Variants in GALNT13 observed in about 807,000 individuals in gnomAD.
GALNT13 encodes polypeptide N-acetylgalactosaminyltransferase 13, also known as UDP-GalNAc:polypeptide N-acetylgalactosaminyltransferase 13.
GALNT13 carries 28 observed loss-of-function variants against 64.2 expected under a neutral mutation model. That is an observed-to-expected ratio of 0.44 (90% CI 0.32 to 0.60). The LOEUF (loss-of-function observed/expected upper bound fraction) is 0.60, where lower values mean the gene tolerates loss of function less well. Among genes scored for constraint, GALNT13 ranks in the 20% least tolerant of loss-of-function variants. GALNT13 has a pLI of 0.05. For synonymous variants in GALNT13, 214 were observed against 224.6 expected, an observed-to-expected ratio of 0.95 and a Z score of 0.42; for missense variants, 577 against 669.8, an observed-to-expected ratio of 0.86 and a Z score of 1.53.
the GALNT13 span, among the ~76,000 whole-genome samples, chr2:153,601,760 A>C: frequency 6.6e-6 from 1 of 151,862 alleles, no homozygotes; most frequent in Non-Finnish European, 1.5e-5. Context: ...ATGGACACAC[A>C]AAAAAGATGT....
chr2:153,676,923 T>C, the GALNT13 span, among the ~76,000 whole-genome samples: 1 of 151,956 alleles, frequency 6.6e-6, no homozygotes, highest in Middle Eastern at 3.2e-3. Flanking sequence ...GCTATAATCA[T>C]ACCGAATGGG....
chr2:154,004,529 A>G (rs1696125067), intron 3 of GALNT13, among the ~76,000 whole-genome samples: 1 of 152,150 alleles, frequency 6.6e-6, no homozygotes, highest in Non-Finnish European at 1.5e-5. Flanking sequence ...ACATTGAAGG[A>G]GAGATTCATT....
At chr2:153,182,983 G>T in the GALNT13 span, among the ~76,000 whole-genome samples, 1 of 152,160 alleles carries the variant, frequency 6.6e-6, no homozygotes, top group South Asian at 2.1e-4. Context: ...ATTCCTTGGG[G>T]CATATACCCA....
the GALNT13 span, among the ~76,000 whole-genome samples, chr2:153,503,075 T>G: frequency 6.6e-6 from 1 of 152,248 alleles, no homozygotes; most frequent in Non-Finnish European, 1.5e-5. Context: ...TGAAGCTTTT[T>G]AGTTTAATTA....
the GALNT13 span, among the ~76,000 whole-genome samples, chr2:153,782,337 C>T: frequency 5.9e-5 from 9 of 152,156 alleles, no homozygotes; most frequent in Non-Finnish European, 8.8e-5. Flanking sequence ...TAGCCTACTA[C>T]ACACCTGGGC....
At chr2:153,263,916 G>A in the GALNT13 span, among the ~76,000 whole-genome samples, 4 of 152,284 alleles carry the variant, frequency 2.6e-5, no homozygotes, top group Admixed American at 1.3e-4. Flanking sequence ...AATGCCAAAT[G>A]CAATTGCAAG....
At chr2:153,619,513 A>AT in the GALNT13 span, among the ~76,000 whole-genome samples, 1 of 152,022 alleles carries the variant, frequency 6.6e-6, no homozygotes, top group Non-Finnish European at 1.5e-5. Flanking sequence ...AGTGATTTTT[A>AT]TACCTTCAAG....
the GALNT13 span, among the ~76,000 whole-genome samples, chr2:153,274,298 C>T: frequency 7.2e-5 from 11 of 152,110 alleles, no homozygotes; most frequent in African/African-American, 2.2e-4. Context: ...TGTAAGGAAC[C>T]GTACTGGGTC....
intron 8 of GALNT13, among the ~76,000 whole-genome samples, chr2:154,260,542 G>C (rs935193438): frequency 6.6e-6 from 1 of 151,976 alleles, no homozygotes; most frequent in African/African-American, 2.4e-5. Context: ...TATTATTTTT[G>C]CATTTGTCTA....
At chr2:154,271,400 A>T (rs919188226) in intron 8 of GALNT13, among the ~76,000 whole-genome samples, 2 of 151,992 alleles carry the variant, frequency 1.3e-5, no homozygotes, top group African/African-American at 4.8e-5. Flanking sequence ...AGGCAATTTC[A>T]TGAGGATTTA....
At chr2:153,448,322 TTA>T in the GALNT13 span, among the ~76,000 whole-genome samples, 1 of 152,202 alleles carries the variant, frequency 6.6e-6, no homozygotes, top group African/African-American at 2.4e-5. Context: ...CAACTTATTT[TTA>T]TGTGTTTCCT....
At chr2:153,623,134 C>A in the GALNT13 span, among the ~76,000 whole-genome samples, 1 of 151,988 alleles carries the variant, frequency 6.6e-6, no homozygotes, top group Non-Finnish European at 1.5e-5. Flanking sequence ...GGCTGTTTTT[C>A]CTGCTGTAGA....
the GALNT13 span, among the ~76,000 whole-genome samples, chr2:153,544,317 T>G: frequency 6.6e-5 from 10 of 152,202 alleles, no homozygotes; most frequent in Non-Finnish European, 1.0e-4. Context: ...TTCTATCCAG[T>G]GGCCATAACT....
At chr2:153,073,518 CCCA>C in the GALNT13 span, among the ~76,000 whole-genome samples, 1 of 151,720 alleles carries the variant, frequency 6.6e-6, no homozygotes, top group East Asian at 1.9e-4. Context: ...TTCATACTCT[CCCA>C]CCAAGATTCA....
At chr2:153,451,880 G>A in the GALNT13 span, among the ~76,000 whole-genome samples, 1 of 152,172 alleles carries the variant, frequency 6.6e-6, no homozygotes, top group Admixed American at 6.5e-5. Context: ...GCAGCTAGAT[G>A]GGGGATTCCT....
At chr2:154,227,376 A>G (rs577175275) in intron 4 of GALNT13, among the ~76,000 whole-genome samples, 2 of 151,124 alleles carry the variant, frequency 1.3e-5, no homozygotes, top group Admixed American at 6.6e-5. Flanking sequence ...CATGTGCATA[A>G]CGTGCAGGTT....
chr2:154,415,029 G>T (rs182085775), intron 11 of GALNT13, among the ~76,000 whole-genome samples: 1 of 151,428 alleles, frequency 6.6e-6, no homozygotes, highest in Admixed American at 6.6e-5. Context: ...GCTGGGCATG[G>T]TGGCATGCAT....
At chr2:154,016,525 C>T (rs1368731097) in intron 3 of GALNT13, among the ~76,000 whole-genome samples, 6 of 152,288 alleles carry the variant, frequency 3.9e-5, no homozygotes, top group East Asian at 3.9e-4. Flanking sequence ...TCAAGTGATT[C>T]TCCTGCCTCA....
At chr2:153,316,227 G>A in the GALNT13 span, among the ~76,000 whole-genome samples, 18 of 152,142 alleles carry the variant, frequency 1.2e-4, no homozygotes, top group African/African-American at 4.1e-4. Flanking sequence ...AATATAAAAT[G>A]GTATAACCAA....
Sources: gnomAD v4.1 joint callset for allele counts (sites outside exome capture counted in the v4.1 genomes callset) on GRCh38, gnomAD v4.1.1 for gene constraint, MANE v1.5 for transcripts, NCBI Gene and HGNC (gene_info 2026-07-23, HGNC 2026-07-21) for gene names.